The following PTPRT variants were observed in gnomAD, a reference collection of about 807,000 sequenced individuals.
PTPRT encodes the protein receptor-type tyrosine-protein phosphatase T.
A neutral mutation model predicts 176.8 loss-of-function variants in PTPRT; 56 were observed. That is an observed-to-expected ratio of 0.32 (90% CI 0.26 to 0.40). PTPRT has a LOEUF of 0.40. Among genes scored for constraint, PTPRT ranks in the 10% least tolerant of loss-of-function variants. The pLI, the probability that PTPRT is intolerant of heterozygous loss-of-function variation, is 1.00. For synonymous variants in PTPRT, 783 were observed against 739.0 expected (o/e 1.06, Z -0.96); for missense variants, 1,540 against 1,908.2 (o/e 0.81, Z 3.60).
the PTPRT span, among the ~76,000 whole-genome samples, chr20:42,049,992 T>C: frequency 3.9e-5 from 6 of 152,376 alleles, no homozygotes; most frequent in East Asian, 1.2e-3. Flanking sequence ...GGAATGGCTC[T>C]GAGCATACCA....
At position 42,073,825 on chromosome 20, in the gene PTPRT, G is replaced by C. The variant is rs935472580; in HGVS notation, c.*7054C>G. 6 of 225,724 alleles carry C rather than the reference G, an allele frequency of 2.7e-5. No homozygotes were observed. The highest frequency in any genetic ancestry group is 1.1e-4 in the African/African-American group (5 of 44,914). 14.0% of individuals were successfully genotyped at this position (225,724 alleles called of 1,614,324 possible). A position where few individuals can be genotyped will look rare whatever the true frequency, so the allele number is the denominator to read the frequency against. On this transcript the variant is annotated 3_prime_UTR_variant, in exon 31 of 31. Transcript: ENST00000373187. ...ATGAATGAGTTCAAACATGATCCCA[G>C]CTCCACAAGATCTCACCCATCTGGA...
intron 7 of PTPRT, among the ~76,000 whole-genome samples, chr20:42,632,503 G>A (rs1451870089): frequency 4.6e-5 from 7 of 151,996 alleles, no homozygotes; most frequent in Non-Finnish European, 4.4e-5. Context: ...GGTTACAGGC[G>A]TGAGCCACCA....
chr20:42,507,066 A>T (rs1452885443), intron 7 of PTPRT, among the ~76,000 whole-genome samples: 2 of 152,118 alleles, frequency 1.3e-5, no homozygotes, highest in Non-Finnish European at 2.9e-5. Flanking sequence ...AGGAGTAAAA[A>T]CACGCCCCAA....
intron 7 of PTPRT, among the ~76,000 whole-genome samples, chr20:42,545,090 T>C (rs771782534): frequency 3.8e-4 from 58 of 152,310 alleles, no homozygotes; most frequent in Middle Eastern, 3.4e-3. Flanking sequence ...TTTTCCTTCC[T>C]GGCTTGCCCA....
At chr20:42,042,301 G>T in the PTPRT span, among the ~76,000 whole-genome samples, 1 of 152,152 alleles carries the variant, frequency 6.6e-6, no homozygotes, top group Non-Finnish European at 1.5e-5. Flanking sequence ...TTTTCCTGGA[G>T]ATTAGGCCCA....
intron 1 of PTPRT, among the ~76,000 whole-genome samples, chr20:42,980,159 T>C (rs1480734509): frequency 6.6e-6 from 1 of 152,134 alleles, no homozygotes; most frequent in Non-Finnish European, 1.5e-5. Context: ...ATGAATACAT[T>C]TTCTGCCTTG....
chr20:42,832,531 A>AT (rs1411855075), intron 2 of PTPRT, among the ~76,000 whole-genome samples: 1 of 150,414 alleles, frequency 6.6e-6, no homozygotes, highest in East Asian at 1.9e-4. Context: ...TTTGAAGAGC[A>AT]TTTTTTAATG....
chr20:43,184,424 C>A (rs2015339433), intron 1 of PTPRT, among the ~76,000 whole-genome samples: 1 of 152,116 alleles, frequency 6.6e-6, no homozygotes, highest in Non-Finnish European at 1.5e-5. Flanking sequence ...TGCGGTGGCT[C>A]ACACCTGGAA....
chr20:42,702,620 C>A (rs576104452), intron 6 of PTPRT, among the ~76,000 whole-genome samples: 140 of 152,314 alleles, frequency 9.2e-4, no homozygotes, highest in African/African-American at 3.2e-3. Flanking sequence ...CCTGGGAGGG[C>A]TGCCCTGTGT....
intron 3 of PTPRT, among the ~76,000 whole-genome samples, chr20:42,788,340 G>A (rs912127592): frequency 1.4e-4 from 22 of 152,036 alleles, no homozygotes; most frequent in Admixed American, 5.9e-4. Context: ...AATAGGGAGC[G>A]AGTGGCTGAA....
chr20:42,116,093 TG>T, intron 21 of PTPRT: 1 of 723,056 alleles, frequency 1.4e-6, no homozygotes, highest in Non-Finnish European at 2.6e-6. Context: ...TGTGTTCCGC[TG>T]GGTGCTAATA....
intron 7 of PTPRT, among the ~76,000 whole-genome samples, chr20:42,523,590 C>A (rs1601188115): frequency 6.6e-6 from 1 of 152,134 alleles, no homozygotes; most frequent in East Asian, 1.9e-4. Context: ...CATTTTCCAG[C>A]CAATTGCATT....
At chr20:43,182,838 AAAAACAAAAC>A (rs201441385) in intron 1 of PTPRT, among the ~76,000 whole-genome samples, 1 of 152,014 alleles carries the variant, frequency 6.6e-6, no homozygotes, top group Non-Finnish European at 1.5e-5. Context: ...AAGGCGCAAA[AAAAACAAAAC>A]AAAACAAAAC....
At chr20:42,692,653 C>A (rs1258601168) in intron 6 of PTPRT, among the ~76,000 whole-genome samples, 1 of 151,946 alleles carries the variant, frequency 6.6e-6, no homozygotes, top group Non-Finnish European at 1.5e-5. Flanking sequence ...TTAGCCAATG[C>A]AATGAGGCAA....
rs146120138 is a variant in PTPRT at position 42,206,332 on chromosome 20, C to T, written c.2343-6944G>A. Among the ~76,000 whole-genome samples the T allele has an allele frequency of 5.7e-3, 872 of 152,298 alleles. 10 individuals are homozygous for T. The highest frequency in any genetic ancestry group is 0.02 in the African/African-American group (823 of 41,564). On this transcript the variant is annotated intron_variant, in intron 15 of 30. Coordinates refer to ENST00000373187, the MANE Select transcript of PTPRT (RefSeq NM_007050.6). ...GGTCTACAGCTCCCAGCGTGAGCGACGCAGAAGACGGTGATTTCTGCATTT... is the reference window on the plus strand; with the variant it reads ...GGTCTACAGCTCCCAGCGTGAGCGATGCAGAAGACGGTGATTTCTGCATTT...
At chr20:42,129,560 C>T (rs1377378345) in intron 18 of PTPRT, among the ~76,000 whole-genome samples, 1 of 152,122 alleles carries the variant, frequency 6.6e-6, no homozygotes, top group Non-Finnish European at 1.5e-5. Flanking sequence ...CTCTGACACG[C>T]TAATAGACAC....
At chr20:42,947,889 C>T (rs1190620745) in intron 1 of PTPRT, among the ~76,000 whole-genome samples, 2 of 152,106 alleles carry the variant, frequency 1.3e-5, no homozygotes, top group African/African-American at 2.4e-5. Flanking sequence ...ATGTAAAATC[C>T]ATGAGAACAG....
chr20:42,853,664 T>C (rs1021280225), intron 2 of PTPRT, among the ~76,000 whole-genome samples: 3 of 152,226 alleles, frequency 2.0e-5, no homozygotes, highest in Non-Finnish European at 2.9e-5. Flanking sequence ...TTACTAAGTC[T>C]TCTGATTCAA....
intron 11 of PTPRT, among the ~76,000 whole-genome samples, chr20:42,319,068 G>A (rs750603409): frequency 6.6e-6 from 1 of 152,102 alleles, no homozygotes; most frequent in Non-Finnish European, 1.5e-5. Context: ...TCTCTGTGAG[G>A]GTCAGCCTGT....
Sources: allele counts gnomAD v4.1 joint callset (sites outside exome capture counted in the v4.1 genomes callset), GRCh38; gene constraint gnomAD v4.1.1; transcripts MANE v1.5; gene names NCBI Gene and HGNC (gene_info 2026-07-23, HGNC 2026-07-21).